The following DLG2 variants were observed in gnomAD, a reference collection of about 807,000 sequenced individuals.
The protein encoded by DLG2 is discs large MAGUK scaffold protein 2, also known as disks large homolog 2.
DLG2 carries 45 observed loss-of-function variants against 132.5 expected under a neutral mutation model. The ratio of observed to expected loss-of-function variants is 0.34; its 90% confidence interval spans 0.27 to 0.44. The LOEUF (loss-of-function observed/expected upper bound fraction) is 0.44, where lower values mean the gene tolerates loss of function less well. Ranked by LOEUF, DLG2 falls within the 20% of genes least tolerant of loss-of-function variation. The probability of loss-of-function intolerance (pLI) is 1.00; values close to 1 mark genes in which losing one functional copy is unlikely to be tolerated. For missense variants in DLG2, 1,045 were observed against 1,196.9 expected (o/e 0.87, Z 1.87); for synonymous variants, 424 against 419.6 (o/e 1.01, Z -0.13).
At chr11:84,263,996 C>A (rs1025216226) in intron 7 of DLG2, among the ~76,000 whole-genome samples, 2 of 152,084 alleles carry the variant, frequency 1.3e-5, no homozygotes, top group African/African-American at 4.8e-5. Flanking sequence ...ATTTTAAATT[C>A]TCATAACATC....
chr11:85,484,908 T>C (rs542684781), intron 3 of DLG2, among the ~76,000 whole-genome samples: 133 of 152,200 alleles, frequency 8.7e-4, no homozygotes, highest in African/African-American at 3.1e-3. Context: ...CACACATATG[T>C]TTATTGTGGC....
At chr11:83,986,080 TTAAG>T (rs1285591582) in intron 11 of DLG2, among the ~76,000 whole-genome samples, 1 of 152,002 alleles carries the variant, frequency 6.6e-6, no homozygotes, top group African/African-American at 2.4e-5. Flanking sequence ...TTATTATACT[TTAAG>T]TTTTAGGGTA....
intron 6 of DLG2, among the ~76,000 whole-genome samples, chr11:84,624,958 C>T (rs969626467): frequency 1.4e-5 from 2 of 143,030 alleles, no homozygotes; most frequent in Non-Finnish European, 3.0e-5. Context: ...CCCGGGTTCA[C>T]GCCATTCTCC....
intron 7 of DLG2, among the ~76,000 whole-genome samples, chr11:84,466,328 A>T (rs1306667929): frequency 6.6e-6 from 1 of 151,286 alleles, no homozygotes; most frequent in Non-Finnish European, 1.5e-5. Context: ...TGTGCTCAAT[A>T]TTAAGGACAT....
At chr11:84,266,204 A>G (rs2097630257) in intron 7 of DLG2, among the ~76,000 whole-genome samples, 1 of 152,220 alleles carries the variant, frequency 6.6e-6, no homozygotes, top group Non-Finnish European at 1.5e-5. Context: ...GTGTATGCAC[A>G]GGCATCACAA....
chr11:84,809,182 C>A (rs2076299090), intron 6 of DLG2, among the ~76,000 whole-genome samples: 1 of 151,890 alleles, frequency 6.6e-6, no homozygotes, highest in Non-Finnish European at 1.5e-5. Flanking sequence ...TAAAGAAGAG[C>A]AACCACATAT....
Position 85,573,724 on chromosome 11 carries a change from G to C in DLG2, c.40+24933C>G, listed in dbSNP as rs552474886. 7.9e-5 allele frequency among the ~76,000 whole-genome samples: 12 copies of C among 152,218 alleles called. No homozygotes were observed. The South Asian group carries it at 2.1e-3, about 26-fold the overall frequency. ...TATTTAAATTACATAGTTTCGTTCT[G>C]CTATTTGCAGTCAAGAACTCTGACA... is the stretch of plus-strand genomic sequence containing the variant. On this transcript the variant is annotated intron_variant, in intron 3 of 27. Coordinates refer to ENST00000376104, the MANE Select transcript of DLG2 (RefSeq NM_001142699.3).
chr11:83,909,230 C>G (rs1406987985), intron 15 of DLG2, among the ~76,000 whole-genome samples: 1 of 152,196 alleles, frequency 6.6e-6, no homozygotes, highest in Non-Finnish European at 1.5e-5. Context: ...TGCTACACAA[C>G]CTTGGGCAGG....
rs564315077 is a variant in DLG2, at chr11:84,537,198, C to T, written c.358-2467G>A. On this transcript the variant is annotated intron_variant, in intron 6 of 27. Transcript: ENST00000376104. ...CTCAGCTCACTGCAACCTCTGCTTC[C>T]CGAGTTCGAGCAATTCTCCTGCCTC... Among the ~76,000 whole-genome samples the T allele has an allele frequency of 5.6e-4, 86 of 152,296 alleles. 1 individual carries two copies. In the South Asian group the frequency reaches 0.012, roughly 21 times the overall value.
intron 6 of DLG2, among the ~76,000 whole-genome samples, chr11:85,017,715 A>C (rs1326157294): frequency 6.6e-6 from 1 of 152,198 alleles, no homozygotes; most frequent in African/African-American, 2.4e-5. Flanking sequence ...GGAGAAGAAA[A>C]GCTACTGGAG....
At chr11:85,079,051 C>T (rs887367206) in intron 6 of DLG2, among the ~76,000 whole-genome samples, 1 of 151,900 alleles carries the variant, frequency 6.6e-6, no homozygotes, top group East Asian at 1.9e-4. Flanking sequence ...TCAATCAATA[C>T]ATATAAGTGG....
intron 21 of DLG2, among the ~76,000 whole-genome samples, chr11:83,504,185 T>G (rs1241842504): frequency 1.3e-5 from 2 of 152,220 alleles, no homozygotes; most frequent in Non-Finnish European, 2.9e-5. Context: ...CAGCTGGTCA[T>G]GTGGTCATAG....
intron 6 of DLG2, among the ~76,000 whole-genome samples, chr11:84,748,222 T>C (rs2065638784): frequency 6.6e-6 from 1 of 152,144 alleles, no homozygotes; most frequent in Non-Finnish European, 1.5e-5. Context: ...GCCAACTAGA[T>C]TCTCTACAAA....
intron 3 of DLG2, chr11:85,510,038 T>A (rs570065775): frequency 1.0e-5 from 1 of 97,276 alleles, no homozygotes; most frequent in Non-Finnish European, 2.2e-5. Context: ...GAGTGCCCCA[T>A]GTTTTTAATC....
intron 6 of DLG2, among the ~76,000 whole-genome samples, chr11:84,773,906 C>CTATTAAAGATAATACAA (rs1488323864): frequency 2.0e-5 from 3 of 152,086 alleles, no homozygotes; most frequent in Non-Finnish European, 4.4e-5. Flanking sequence ...CTCACCAGTC[C>CTATTAAAGATAATACAA]TATTAAAGAT....
At chr11:85,382,262 G>C (rs1400665270) in intron 3 of DLG2, among the ~76,000 whole-genome samples, 1 of 152,082 alleles carries the variant, frequency 6.6e-6, no homozygotes, top group Non-Finnish European at 1.5e-5. Context: ...AGACAATTCA[G>C]TGTGAAAGAA....
intron 18 of DLG2, among the ~76,000 whole-genome samples, chr11:83,754,552 T>C (rs2093571674): frequency 6.6e-6 from 1 of 151,424 alleles, no homozygotes; most frequent in African/African-American, 2.5e-5. Context: ...CTCCTATCCT[T>C]ACTGACAGTA....
chr11:84,896,756 A>T (rs1360742164), intron 6 of DLG2, among the ~76,000 whole-genome samples: 3 of 152,042 alleles, frequency 2.0e-5, no homozygotes, highest in Non-Finnish European at 4.4e-5. Flanking sequence ...CTATGTTCAC[A>T]TAATTTTTAT....
At chr11:84,125,275 C>T (rs2094122214) in intron 9 of DLG2, among the ~76,000 whole-genome samples, 1 of 152,114 alleles carries the variant, frequency 6.6e-6, no homozygotes, top group African/African-American at 2.4e-5. Context: ...TGAGACAGCA[C>T]TTATAATACT....
Sources: gnomAD v4.1 joint callset for allele counts (sites outside exome capture counted in the v4.1 genomes callset) on GRCh38, gnomAD v4.1.1 for gene constraint, MANE v1.5 for transcripts, NCBI Gene and HGNC (gene_info 2026-07-23, HGNC 2026-07-21) for gene names.